RGS7: variants seen among roughly 807,000 people sequenced by gnomAD.
RGS7 encodes regulator of G-protein signaling 7.
RGS7 carries 27 observed loss-of-function variants against 81.1 expected under a neutral mutation model. The observed-to-expected ratio is 0.33, with a 90% CI of 0.25 to 0.46. RGS7 has a LOEUF of 0.46. RGS7 is among the 20% of genes least tolerant of loss of function. The pLI, the probability that RGS7 is intolerant of heterozygous loss-of-function variation, is 1.00. For synonymous variants in RGS7, 208 were observed against 207.7 expected (o/e 1.00, Z -0.01); for missense variants, 396 against 607.4 (o/e 0.65, Z 3.66).
intron 18 of RGS7, among the ~76,000 whole-genome samples, chr1:240,793,603 A>ATTTTTTT (rs1558259321): frequency 5.1e-5 from 5 of 97,278 alleles, no homozygotes; most frequent in African/African-American, 3.2e-4. Flanking sequence ...ATATATATAT[A>ATTTTTTT]TATATATATT....
At chr1:240,993,773 A>T (rs76412595) in intron 3 of RGS7, among the ~76,000 whole-genome samples, 8,551 of 152,094 alleles carry the variant, frequency 0.056, 296 homozygotes, top group South Asian at 0.11. Flanking sequence ...CTCTTTGCCT[A>T]GACCAAGATA....
intron 10 of RGS7, among the ~76,000 whole-genome samples, chr1:240,822,471 T>G (rs1270153639): frequency 9.8e-5 from 15 of 152,296 alleles, no homozygotes; most frequent in African/African-American, 3.6e-4. Flanking sequence ...TCTTCACGTT[T>G]CTAATAATAA....
At position 240,830,485 on chromosome 1, in the gene RGS7, C is replaced by G. The variant is rs1693639506; in HGVS notation, c.610-3313G>C. Among the ~76,000 whole-genome samples the G allele has an allele frequency of 3.3e-5, 5 of 152,182 alleles. No homozygotes were observed. The South Asian group carries it at 1.0e-3, about 31-fold the overall frequency. ...CTGCACAAGACTGTAAAAACAAAAC[C>G]TCTAGACCCCAAACTCTCTTCCAAA... On this transcript the variant is annotated intron_variant, in intron 9 of 18. Transcript: ENST00000440928.
chr1:241,278,796 A>G (rs2078336817), intron 2 of RGS7, among the ~76,000 whole-genome samples: 1 of 152,020 alleles, frequency 6.6e-6, no homozygotes, highest in Non-Finnish European at 1.5e-5. Flanking sequence ...ATCTCTGCAC[A>G]CCTCCTTTTG....
At chr1:240,780,828 C>T (rs1168817620) in intron 18 of RGS7, among the ~76,000 whole-genome samples, 6 of 150,240 alleles carry the variant, frequency 4.0e-5, no homozygotes, top group East Asian at 3.9e-4. Context: ...GCAGGAGAAT[C>T]GCTTGAATCC....
At chr1:240,919,531 G>A (rs541937349) in intron 6 of RGS7, 3 of 186,162 alleles carry the variant, frequency 1.6e-5, no homozygotes, top group East Asian at 1.4e-4. Flanking sequence ...CACCAGTCAT[G>A]ATAAAAACCC....
At chr1:241,199,489 A>G (rs539583843) in intron 2 of RGS7, among the ~76,000 whole-genome samples, 7 of 152,144 alleles carry the variant, frequency 4.6e-5, no homozygotes, top group Non-Finnish European at 8.8e-5. Flanking sequence ...CATTATACAG[A>G]ATGGTAAAAT....
At chr1:241,274,167 T>C (rs1373361739) in intron 2 of RGS7, among the ~76,000 whole-genome samples, 1 of 152,248 alleles carries the variant, frequency 6.6e-6, no homozygotes. Flanking sequence ...GTGGAAGTGA[T>C]AGTCTCTTGT....
intron 2 of RGS7, among the ~76,000 whole-genome samples, chr1:241,175,713 T>G (rs985449899): frequency 1.3e-5 from 2 of 152,122 alleles, no homozygotes; most frequent in African/African-American, 4.8e-5. Context: ...CAGCTGTCAC[T>G]CAGAGTTAAA....
chr1:241,345,455 C>A (rs886848197), intron 2 of RGS7, among the ~76,000 whole-genome samples: 2 of 152,112 alleles, frequency 1.3e-5, no homozygotes, highest in African/African-American at 4.8e-5. Flanking sequence ...AAAATGTAAT[C>A]ATGAAGGTGG....
chr1:241,018,517 C>G (rs1482963280), intron 3 of RGS7, among the ~76,000 whole-genome samples: 1 of 151,854 alleles, frequency 6.6e-6, no homozygotes, highest in African/African-American at 2.4e-5. Flanking sequence ...GTTTTTGTTT[C>G]TATTTTTTTG....
intron 14 of RGS7, among the ~76,000 whole-genome samples, chr1:240,808,828 C>T (rs1426226767): frequency 6.6e-6 from 1 of 151,468 alleles, no homozygotes; most frequent in African/African-American, 2.4e-5. Context: ...TGAGCTATGA[C>T]AGTGTCTCTG....
In RGS7 at chr1:241,145,037, G is replaced by A. The variant is rs146378516; in HGVS notation, c.79-46275C>T. The stretch of plus-strand genomic sequence containing the variant: ...TCGATGAAACTTTTTTTTTTTTTGA[G>A]ATGGAGTCTCGCACTGTCGCCCAGG... On this transcript the variant is annotated intron_variant, in intron 2 of 18. Coordinates refer to ENST00000440928, the MANE Select transcript of RGS7 (RefSeq NM_001364886.1). Among the ~76,000 whole-genome samples, 439 of 148,944 alleles carry A rather than the reference G, an allele frequency of 2.9e-3. 12 individuals are homozygous for A. In the East Asian group the frequency reaches 0.058, roughly 20 times the overall value.
intron 2 of RGS7, among the ~76,000 whole-genome samples, chr1:241,307,358 T>C (rs989159865): frequency 4.6e-5 from 7 of 152,216 alleles, no homozygotes; most frequent in Non-Finnish European, 7.3e-5. Context: ...ACCACTGTCA[T>C]GGCAGAGAAA....
intron 2 of RGS7, among the ~76,000 whole-genome samples, chr1:241,239,001 C>T (rs905640629): frequency 7.6e-6 from 1 of 132,434 alleles, no homozygotes; most frequent in Non-Finnish European, 1.5e-5. Flanking sequence ...TACAGTCTCG[C>T]TCTGTTGCCC....
At chr1:240,940,576 A>C (rs1459113477) in intron 4 of RGS7, among the ~76,000 whole-genome samples, 1 of 152,210 alleles carries the variant, frequency 6.6e-6, no homozygotes, top group Non-Finnish European at 1.5e-5. Context: ...TCCCGGAAGA[A>C]AAATTAAGTT....
chr1:240,799,424 T>C (rs1687662768), intron 18 of RGS7, among the ~76,000 whole-genome samples: 1 of 151,836 alleles, frequency 6.6e-6, no homozygotes, highest in African/African-American at 2.4e-5. Context: ...GCAAATTCAG[T>C]TAAATGTAAC....
At chr1:240,836,461 T>C (rs1558329023) in intron 9 of RGS7, among the ~76,000 whole-genome samples, 2 of 152,248 alleles carry the variant, frequency 1.3e-5, no homozygotes, top group South Asian at 4.2e-4. Context: ...TGGGATGCAT[T>C]TTGAAGCTAT....
intron 2 of RGS7, among the ~76,000 whole-genome samples, chr1:241,316,230 G>A (rs959897420): frequency 2.6e-5 from 4 of 152,126 alleles, no homozygotes; most frequent in Admixed American, 2.6e-4. Flanking sequence ...ACCTCCAAGT[G>A]TTCACCTCTC....
Sources: allele counts gnomAD v4.1 joint callset (sites outside exome capture counted in the v4.1 genomes callset), GRCh38; gene constraint gnomAD v4.1.1; transcripts MANE v1.5; gene names NCBI Gene and HGNC (gene_info 2026-07-23, HGNC 2026-07-21).